The following ZNF541 variants were observed in gnomAD, a reference collection of about 807,000 sequenced individuals.
The protein encoded by ZNF541 is zinc finger protein 541.
A neutral mutation model predicts 123.5 loss-of-function variants in ZNF541; 23 were observed. That is an observed-to-expected ratio of 0.19 (90% CI 0.13 to 0.26). The LOEUF (loss-of-function observed/expected upper bound fraction) is 0.26, where lower values mean the gene tolerates loss of function less well. Ranked by LOEUF, ZNF541 falls within the 10% of genes least tolerant of loss-of-function variation. ZNF541 has a pLI of 1.00. For synonymous variants in ZNF541, 751 were observed against 754.5 expected, an observed-to-expected ratio of 1.00 and a Z score of 0.08; for missense variants, 1,612 against 1,789.9, an observed-to-expected ratio of 0.90 and a Z score of 1.79.
chr19:47,558,284 T>C (rs982480464), intron 2 of ZNF541, among the ~76,000 whole-genome samples: 4 of 151,640 alleles, frequency 2.6e-5, no homozygotes. Context: ...GGCATGGTGG[T>C]GGGCGCCTGT....
chr19:47,530,174 T>G (rs1263239988), intron 12 of ZNF541, among the ~76,000 whole-genome samples: 3 of 150,254 alleles, frequency 2.0e-5, no homozygotes, highest in Non-Finnish European at 3.0e-5. Context: ...TTTCTTTGTT[T>G]TTTCTTTTTT....
chr19:47,523,801 C>T (rs867463652), intron 14 of ZNF541, among the ~76,000 whole-genome samples: 1 of 152,124 alleles, frequency 6.6e-6, no homozygotes, highest in Non-Finnish European at 1.5e-5. Flanking sequence ...ACAGTGCCTC[C>T]GGAGACCACG....
chr19:47,529,715 T>G, intron 12 of ZNF541, 63 bp from the exon 13 acceptor site: 1 of 1,441,976 alleles, frequency 6.9e-7, no homozygotes, highest in Non-Finnish European at 9.5e-7. Context: ...ACAGGCATCC[T>G]CCCATTCATC....
chr19:47,540,413 C>CT, intron 6 of ZNF541, 78 bp from the exon 7 acceptor site: 2 of 1,359,522 alleles, frequency 1.5e-6, no homozygotes, highest in Non-Finnish European at 1.9e-6. Context: ...GTTTTTTTTT[C>CT]TTTTTTGTCT....
chr19:47,533,529 T>A (rs976870284), intron 9 of ZNF541, among the ~76,000 whole-genome samples: 1 of 151,572 alleles, frequency 6.6e-6, no homozygotes. Context: ...CATTCAGCAC[T>A]TGGAGAAATA....
intron 14 of ZNF541, among the ~76,000 whole-genome samples, chr19:47,527,839 A>G (rs1331445636): frequency 6.6e-6 from 1 of 151,496 alleles, no homozygotes; most frequent in East Asian, 2.0e-4. Flanking sequence ...AGCTGGGATT[A>G]CAGGCATGTG....
chr19:47,555,067 TA>T (rs1198309189), intron 3 of ZNF541, among the ~76,000 whole-genome samples: 512 of 124,446 alleles, frequency 4.1e-3, no homozygotes, highest in Admixed American at 4.6e-3. Flanking sequence ...GTACTCTGCC[TA>T]AAAAAAAAAA....
chr19:47,522,964 T>A (rs1969108762), intron 14 of ZNF541, among the ~76,000 whole-genome samples: 1 of 151,904 alleles, frequency 6.6e-6, no homozygotes, highest in Non-Finnish European at 1.5e-5. Flanking sequence ...CAGGCTGGTC[T>A]TGAACTCCTG....
At chr19:47,533,475 A>G (rs1334887011) in intron 9 of ZNF541, among the ~76,000 whole-genome samples, 1 of 151,804 alleles carries the variant, frequency 6.6e-6, no homozygotes, top group Non-Finnish European at 1.5e-5. Context: ...GTATACGTAT[A>G]TATAAAAACA....
chr19:47,568,566 C>T (rs934567090), intron 2 of ZNF541, among the ~76,000 whole-genome samples: 1 of 150,658 alleles, frequency 6.6e-6, no homozygotes, highest in Non-Finnish European at 1.5e-5. Flanking sequence ...CTGGCCTCGA[C>T]CTCCTGCCGT....
intron 9 of ZNF541, 69 bp from the exon 10 acceptor site, chr19:47,533,041 C>G: frequency 7.0e-7 from 1 of 1,438,524 alleles, no homozygotes; most frequent in Non-Finnish European, 9.4e-7. Flanking sequence ...CTCTGCCTGC[C>G]TGTGTGGACG....
Position 47,528,991 on chromosome 19 carries a change from A to G in ZNF541, c.3529T>C (p.Phe1177Leu), listed in dbSNP as rs1465065967. 6.4e-7 allele frequency: 1 copy of G among 1,551,606 alleles called. No homozygotes were observed. The highest frequency in any genetic ancestry group is 1.2e-5 in the South Asian group (1 of 84,064). ...PIEKRLFKKA[F>L]YAHKKDFYLI... ...TAGAAGTCCTTCTTGTGGGCATAGAACGCCTTCTTAAAAAGCCTCTTCTCT... is the reference window on the plus strand; with the variant it reads ...TAGAAGTCCTTCTTGTGGGCATAGAGCGCCTTCTTAAAAAGCCTCTTCTCT... Residue 1177 changes from phenylalanine to leucine, a missense_variant, in exon 14 of 17, where the codon TTC becomes CTC. Around this residue, in one of 5 missense-constraint regions of ZNF541, gnomAD observed 285 missense variants for 407.3 expected, o/e 0.70. Coordinates refer to ENST00000391901, the MANE Select transcript of ZNF541 (RefSeq NM_001277075.3).
In ZNF541 at chr19:47,521,242, G is replaced by A. The variant is rs1168276468; in HGVS notation, c.4023C>T (p.Ile1341=). The change falls in exon 17 of 17, where the codon ATC becomes ATT. Residue 1341 remains isoleucine, a synonymous_variant. Coordinates refer to ENST00000391901, the MANE Select transcript of ZNF541 (RefSeq NM_001277075.3). This position sits in a 1 kb window ranked among gnomAD's most constrained non-coding sequence, Gnocchi z 4.2. ...QLKEEELGAD[I]GPLQW ...ACGGGAGTCACCACTGCAGGGGGCC[G>A]ATGTCAGCTCCCAGCTCCTCTTCCT... 17 of 1,551,592 alleles carry A rather than the reference G, an allele frequency of 1.1e-5. No individual in the cohort carries two copies. The highest frequency in any genetic ancestry group is 5.9e-5 in the Admixed American group (3 of 50,988).
Position 47,570,963 on chromosome 19 carries a change from A to AAAT in ZNF541, c.-99+932_-99+933insATT, listed in dbSNP as rs1259392176. Among the ~76,000 whole-genome samples, 8 of 151,984 alleles carry AAAT rather than the reference A, an allele frequency of 5.3e-5. No homozygotes were observed. The East Asian group carries it at 1.6e-3, about 29-fold the overall frequency. ...ACTCCATCTCAAAAAGAAAAAAAAA[A>AAAT]AAAAAGTTTGAGAACTACTATTCCA... On this transcript the variant is annotated intron_variant, in intron 2 of 16. Coordinates refer to ENST00000391901, the MANE Select transcript of ZNF541 (RefSeq NM_001277075.3).
intron 1 of ZNF541, among the ~76,000 whole-genome samples, chr19:47,572,464 T>A (rs1389309581): frequency 1.3e-5 from 2 of 152,070 alleles, no homozygotes; most frequent in Non-Finnish European, 2.9e-5. Context: ...TGGAAAGTGA[T>A]CCTGAACGGA....
chr19:47,532,061 G>T, intron 11 of ZNF541, 67 bp downstream of exon 11: 1 of 1,536,728 alleles, frequency 6.5e-7, no homozygotes, highest in Non-Finnish European at 8.8e-7. Flanking sequence ...GACCTAGGAG[G>T]AAAAACACCC....
chr19:47,544,762 G>A lies in ZNF541; in HGVS notation c.1767C>T (p.Ala589=). 2.0e-6 allele frequency: 3 copies of A among 1,507,062 alleles called. No individual in the cohort carries two copies. The highest frequency in any genetic ancestry group is 2.7e-6 in the Non-Finnish European group (3 of 1,130,366). 93.4% of individuals were successfully genotyped at this position (1,507,062 alleles called of 1,614,324 possible). Residue 589 remains alanine (A), a synonymous_variant, in exon 5 of 17, where the codon GCC becomes GCT. Coordinates refer to ENST00000391901, the MANE Select transcript of ZNF541 (RefSeq NM_001277075.3). The part of the protein sequence containing the change: ...QLPAPEGKPA[A]LRPLQGPWPQ... Reference sequence around the variant, plus strand: ...GCCACGGCCCCTGCAGCGGCCTCAGGGCGGCTGGTTTGCCCTCGGGCGCAG... The same window carrying A: ...GCCACGGCCCCTGCAGCGGCCTCAGAGCGGCTGGTTTGCCCTCGGGCGCAG...
chr19:47,561,519 T>G (rs1027398315), intron 2 of ZNF541, among the ~76,000 whole-genome samples: 1 of 152,118 alleles, frequency 6.6e-6, no homozygotes, highest in East Asian at 1.9e-4. Context: ...TCCTGGGAAT[T>G]TAGAAGGTGG....
chr19:47,539,494 G>GTTTCACCATGT (rs1969982433), intron 8 of ZNF541, among the ~76,000 whole-genome samples: 1 of 151,710 alleles, frequency 6.6e-6, no homozygotes, highest in African/African-American at 2.4e-5. Flanking sequence ...TAGACACAGG[G>GTTTCACCATGT]TTTCACCATG....
Sources: allele counts gnomAD v4.1 joint callset (sites outside exome capture counted in the v4.1 genomes callset), GRCh38; gene constraint gnomAD v4.1.1; regional missense constraint gnomAD v4.1.1; non-coding constraint Gnocchi (gnomAD v3.1); transcripts MANE v1.5; gene names NCBI Gene and HGNC (gene_info 2026-07-23, HGNC 2026-07-21).